Variants in KIF26B observed in about 807,000 individuals in gnomAD.
The protein encoded by KIF26B is kinesin-like protein KIF26B.
In KIF26B, 63 loss-of-function variants were observed where a neutral mutation model predicts 151.2. The observed-to-expected ratio is 0.42, with a 90% CI of 0.34 to 0.51. KIF26B has a LOEUF of 0.51. KIF26B is among the 20% of genes least tolerant of loss of function. The probability of loss-of-function intolerance (pLI) is 0.07; values close to 1 mark genes in which losing one functional copy is unlikely to be tolerated. For synonymous variants in KIF26B, 1,357 were observed against 1,262.1 expected, an observed-to-expected ratio of 1.08 and a Z score of -1.59; for missense variants, 2,813 against 2,913.6, an observed-to-expected ratio of 0.97 and a Z score of 0.79.
At chr1:245,180,017 C>G (rs894934543) in intron 2 of KIF26B, among the ~76,000 whole-genome samples, 1 of 152,206 alleles carries the variant, frequency 6.6e-6, no homozygotes. Flanking sequence ...TGATGAAGAA[C>G]TGTAAGAGGA....
intron 10 of KIF26B, among the ~76,000 whole-genome samples, chr1:245,677,708 C>T (rs35053494): frequency 0.025 from 3,759 of 152,320 alleles, 71 homozygotes; most frequent in Middle Eastern, 0.054. Flanking sequence ...TTGCCTCAAA[C>T]GTAGGAATGT....
chr1:245,545,332 C>A (rs1285826591), intron 5 of KIF26B, among the ~76,000 whole-genome samples: 1 of 152,132 alleles, frequency 6.6e-6, no homozygotes, highest in African/African-American at 2.4e-5. Context: ...AAACTCCTGA[C>A]CTCCAGTGAT....
In KIF26B at chr1:245,156,556, C is replaced by CCGGCAG. The variant is rs1263044526; in HGVS notation, c.343_348dup (p.Ser115_Gly116dup). 5.2e-6 allele frequency: 8 copies of CCGGCAG among 1,533,764 alleles called. No homozygotes were observed. Among genetic ancestry groups the CCGGCAG allele is most frequent in the Non-Finnish European group, 7.0e-6 (8 of 1,146,458 alleles). Reference sequence around the variant, plus strand: ...GGCTTCGGCACAGGCTCCCCGGGCTCCGGCAGCGGCGGCGGCTCCTCCCCC... The same window carrying CCGGCAG: ...GGCTTCGGCACAGGCTCCCCGGGCTCCGGCAGCGGCAGCGGCGGCGGCTCCTCCCCC... On this transcript the variant is annotated inframe_insertion, in exon 2 of 15. Transcript: ENST00000407071.
At chr1:245,421,431 C>T (rs1768105) in intron 4 of KIF26B, among the ~76,000 whole-genome samples, 6,030 of 152,130 alleles carry the variant, frequency 0.04, 392 homozygotes, top group African/African-American at 0.14. Context: ...AGGGAGGAGA[C>T]GGACCTCCCA....
chr1:245,511,034 T>C, intron 4 of KIF26B: 2 of 711,044 alleles, frequency 2.8e-6, no homozygotes, highest in African/African-American at 1.8e-5. Flanking sequence ...CAAGAGACAT[T>C]TGAGAGAAGC....
intron 5 of KIF26B, among the ~76,000 whole-genome samples, chr1:245,598,793 C>T (rs1397126813): frequency 6.6e-6 from 1 of 152,226 alleles, no homozygotes; most frequent in Non-Finnish European, 1.5e-5. Context: ...TGTCCCAATC[C>T]ATCCGTGGAA....
intron 2 of KIF26B, among the ~76,000 whole-genome samples, chr1:245,346,167 A>T (rs1323020772): frequency 6.7e-6 from 1 of 148,242 alleles, no homozygotes; most frequent in Non-Finnish European, 1.5e-5. Context: ...CTGGTCTTGA[A>T]CTCCTGACCT....
rs1250876989 is a variant in KIF26B at position 245,688,704 on chromosome 1, C to T, written c.5721C>T (p.Ala1907=). 1.9e-6 allele frequency: 3 copies of T among 1,607,542 alleles called. No individual in the cohort carries two copies. Among genetic ancestry groups the T allele is most frequent in the African/African-American group, 1.3e-5 (1 of 74,832 alleles). Reference sequence around the variant, plus strand: ...AGAGCGTGATGCGGGACAGCGAGGCCACCGGCAGCGCGTCCTCGGCGCAGG... The same window carrying T: ...AGAGCGTGATGCGGGACAGCGAGGCTACCGGCAGCGCGTCCTCGGCGCAGG... The part of the protein sequence containing the change: ...GYESVMRDSE[A]TGSASSAQDS... The change falls in exon 12 of 15, where the codon GCC becomes GCT. Residue 1907 remains alanine (A), a synonymous_variant. Transcript: ENST00000407071.
chr1:245,296,833 G>A (rs529845342), intron 2 of KIF26B, among the ~76,000 whole-genome samples: 1 of 152,300 alleles, frequency 6.6e-6, no homozygotes, highest in East Asian at 1.9e-4. Flanking sequence ...TCTCAGGACT[G>A]TACTTCATTT....
chr1:245,205,438 AG>A (rs770992815), intron 2 of KIF26B, among the ~76,000 whole-genome samples: 2 of 152,194 alleles, frequency 1.3e-5, no homozygotes, highest in Non-Finnish European at 2.9e-5. Flanking sequence ...ATAAGAATAT[AG>A]GGGGAATAAT....
rs1411458166 is a variant in KIF26B at position 245,606,192 on chromosome 1, C to T, written c.1558-1459C>T. ...ACCCCCTCTGGCCCAGGAGGAGCCC[C>T]CCGCCCCCCGCAGAGTTGCTGGGGA... On this transcript the variant is annotated intron_variant, in intron 6 of 14. Transcript: ENST00000407071. This position sits in a 1 kb window ranked among gnomAD's most constrained non-coding sequence, Gnocchi z 4.6. Among the ~76,000 whole-genome samples, 5 of 152,142 alleles carry T rather than the reference C, an allele frequency of 3.3e-5. No homozygotes were observed. Among genetic ancestry groups the T allele is most frequent in the Non-Finnish European group, 7.3e-5 (5 of 68,034 alleles).
chr1:245,484,724 C>T (rs1370781421), intron 4 of KIF26B, among the ~76,000 whole-genome samples: 1 of 149,286 alleles, frequency 6.7e-6, no homozygotes, highest in Non-Finnish European at 1.5e-5. Flanking sequence ...TTTCTTCTTT[C>T]CTCCTCCTCC....
chr1:245,357,182 G>C (rs938552160), intron 2 of KIF26B, among the ~76,000 whole-genome samples: 1 of 152,174 alleles, frequency 6.6e-6, no homozygotes, highest in African/African-American at 2.4e-5. Context: ...AGTGGGGCGG[G>C]GGCCAGGGGA....
chr1:245,421,730 G>A (rs1342120473), intron 4 of KIF26B, among the ~76,000 whole-genome samples: 1 of 152,060 alleles, frequency 6.6e-6, no homozygotes, highest in Non-Finnish European at 1.5e-5. Flanking sequence ...TTCCCAATTG[G>A]CAGAATTTAA....
intron 9 of KIF26B, among the ~76,000 whole-genome samples, chr1:245,622,399 A>C (rs2043673392): frequency 6.6e-6 from 1 of 152,142 alleles, no homozygotes; most frequent in African/African-American, 2.4e-5. Context: ...GGGTGGAGGC[A>C]GATTAGCCTT....
chr1:245,623,148 T>A (rs2043684521), intron 9 of KIF26B, among the ~76,000 whole-genome samples: 1 of 151,254 alleles, frequency 6.6e-6, no homozygotes, highest in Non-Finnish European at 1.5e-5. Flanking sequence ...TGTATATGCC[T>A]ATGAAACCGT....
At chr1:245,503,514 A>G (rs1178798472) in intron 4 of KIF26B, among the ~76,000 whole-genome samples, 1 of 152,136 alleles carries the variant, frequency 6.6e-6, no homozygotes. Flanking sequence ...AAAATGTTTG[A>G]TGTTCTGACT....
At chr1:245,642,565 A>G (rs1238996926) in intron 9 of KIF26B, among the ~76,000 whole-genome samples, 1 of 76,904 alleles carries the variant, frequency 1.3e-5, no homozygotes, top group Non-Finnish European at 2.5e-5. Context: ...CGTCTCAGAA[A>G]AAAAAAAAAA....
Position 245,706,477 on chromosome 1 carries a change from A to C in KIF26B, c.*3871A>C, listed in dbSNP as rs2044842941. ...GTTTTTTAGGTTTCTTATTCCAAAAAGGATTTTAGACTGTAAAATGACTAA... is the reference window on the plus strand; with the variant it reads ...GTTTTTTAGGTTTCTTATTCCAAAACGGATTTTAGACTGTAAAATGACTAA... On this transcript the variant is annotated 3_prime_UTR_variant, in exon 15 of 15. Coordinates refer to ENST00000407071, the MANE Select transcript of KIF26B (RefSeq NM_018012.4). 1.3e-5 allele frequency: 2 copies of C among 152,232 alleles called. No individual in the cohort carries two copies. Among genetic ancestry groups the C allele is most frequent in the Admixed American group, 1.3e-4 (2 of 15,286 alleles). The allele number at this position is 152,232 out of a possible 1,614,324, so 9.4% of individuals were successfully genotyped here. A position where few individuals can be genotyped will look rare whatever the true frequency, so the allele number is the denominator to read the frequency against.
Sources: allele counts gnomAD v4.1 joint callset (sites outside exome capture counted in the v4.1 genomes callset), GRCh38; gene constraint gnomAD v4.1.1; non-coding constraint Gnocchi (gnomAD v3.1); transcripts MANE v1.5; gene names NCBI Gene and HGNC (gene_info 2026-07-23, HGNC 2026-07-21).